CHRM5: variants seen among roughly 807,000 people sequenced by gnomAD.
CHRM5 encodes the protein muscarinic acetylcholine receptor M5.
CHRM5 carries 18 observed loss-of-function variants against 39.0 expected under a neutral mutation model. That is an observed-to-expected ratio of 0.46 (90% CI 0.32 to 0.68). CHRM5 has a LOEUF of 0.68. Among genes scored for constraint, CHRM5 ranks in the 30% least tolerant of loss-of-function variants. The probability of loss-of-function intolerance (pLI) is 0.04; values close to 1 mark genes in which losing one functional copy is unlikely to be tolerated. For synonymous variants in CHRM5, 241 were observed against 246.3 expected (o/e 0.98, Z 0.20); for missense variants, 515 against 651.1 (o/e 0.79, Z 2.28).
At chr15:34,018,958 CAG>C (rs1898085183) in intron 1 of CHRM5, among the ~76,000 whole-genome samples, 1 of 152,032 alleles carries the variant, frequency 6.6e-6, no homozygotes, top group Non-Finnish European at 1.5e-5. Flanking sequence ...CAGCTAGACA[CAG>C]AGTGCTGATT....
intron 1 of CHRM5, among the ~76,000 whole-genome samples, chr15:33,978,976 A>G (rs1896015942): frequency 6.6e-6 from 1 of 152,190 alleles, no homozygotes; most frequent in Admixed American, 6.5e-5. Context: ...AAATAAAAAA[A>G]CAGACAATAA....
chr15:34,006,632 G>A (rs1446744139), intron 1 of CHRM5, among the ~76,000 whole-genome samples: 1 of 152,150 alleles, frequency 6.6e-6, no homozygotes, highest in Non-Finnish European at 1.5e-5. Context: ...CGAATTAATG[G>A]TCCTGCCAAG....
At chr15:34,015,280 G>A (rs776189075) in intron 1 of CHRM5, among the ~76,000 whole-genome samples, 5 of 152,066 alleles carry the variant, frequency 3.3e-5, no homozygotes, top group South Asian at 4.1e-4. Flanking sequence ...TCAGGAGATC[G>A]AGACCATCTT....
intron 1 of CHRM5, among the ~76,000 whole-genome samples, chr15:33,975,665 C>T (rs1219935769): frequency 6.6e-6 from 1 of 152,162 alleles, no homozygotes; most frequent in South Asian, 2.1e-4. Flanking sequence ...GGCACGGTGG[C>T]TCACGCCTGT....
intron 1 of CHRM5, among the ~76,000 whole-genome samples, chr15:34,000,397 A>G (rs535869220): frequency 3.9e-4 from 59 of 152,322 alleles, no homozygotes; most frequent in African/African-American, 1.2e-3. Flanking sequence ...ATACCATTCA[A>G]TCAACTGGTC....
chr15:34,018,220 T>A (rs2702319), intron 1 of CHRM5: 143,215 of 152,298 alleles, frequency 0.94, 67,956 homozygotes, highest in East Asian at 1. Context: ...GACCCTAAAG[T>A]CCTTCCAGTG....
chr15:34,032,015 G>GCACACA (rs1471904549), intron 1 of CHRM5, among the ~76,000 whole-genome samples: 4 of 109,314 alleles, frequency 3.7e-5, no homozygotes, highest in Admixed American at 1.0e-4. Flanking sequence ...ACACATACGC[G>GCACACA]CGCACACGCA....
chr15:34,063,988 A>G lies in CHRM5; in HGVS notation c.1271A>G (p.His424Arg). Residue 424 changes from histidine to arginine, a missense_variant, in exon 3 of 3, where the codon CAT (histidine) becomes CGT (arginine). Transcript: ENST00000383263. The surrounding 1 kb of genome is among the most constrained non-coding windows in gnomAD (Gnocchi z 4.1). ...AAAGGCCTCAATCCCAACCCCAGCC[A>G]TCAAATGACCAAACGAAAGAGAGTG... Reference protein sequence around the residue: ...STKGLNPNPSHQMTKRKRVVL... With the variant: ...STKGLNPNPSRQMTKRKRVVL... The G allele has an allele frequency of 1.2e-6, 2 of 1,614,186 alleles. No individual in the cohort carries two copies. Among genetic ancestry groups the G allele is most frequent in the Non-Finnish European group, 1.7e-6 (2 of 1,180,016 alleles).
rs1289175932 is a variant in CHRM5 at position 34,067,279 on chromosome 15, T to C, written c.*2963T>C. 1 of 152,246 alleles carries C rather than the reference T, an allele frequency of 6.6e-6. No individual in the cohort carries two copies. The highest frequency in any genetic ancestry group is 2.4e-5 in the African/African-American group (1 of 41,466). 9.4% of individuals were successfully genotyped at this position (152,246 alleles called of 1,614,324 possible). A position where few individuals can be genotyped will look rare whatever the true frequency, so the allele number is the denominator to read the frequency against. On this transcript the variant is annotated 3_prime_UTR_variant, in exon 3 of 3. Coordinates refer to ENST00000383263, the MANE Select transcript of CHRM5 (RefSeq NM_012125.4). ...TTTTGCTTCGCTCCTTTGGTGAATGTCCTTTGAAGACAATACTGATGCCAG... is the reference window on the plus strand; with the variant it reads ...TTTTGCTTCGCTCCTTTGGTGAATGCCCTTTGAAGACAATACTGATGCCAG...
chr15:34,003,077 C>A (rs1188593275), intron 1 of CHRM5: 1 of 1,614,046 alleles, frequency 6.2e-7, no homozygotes, highest in Non-Finnish European at 8.5e-7. Context: ...CTCTGTGACT[C>A]TCCACTTTCA....
chr15:34,060,319 T>C (rs572186770), intron 2 of CHRM5, among the ~76,000 whole-genome samples: 2 of 152,264 alleles, frequency 1.3e-5, no homozygotes, highest in Admixed American at 1.3e-4. Context: ...TGAAGAAGCA[T>C]GCAAGATTGG....
At chr15:34,019,558 C>A (rs186812223) in intron 1 of CHRM5, among the ~76,000 whole-genome samples, 2 of 152,340 alleles carry the variant, frequency 1.3e-5, no homozygotes, top group Non-Finnish European at 2.9e-5. Context: ...TCACTCAGAG[C>A]AACTTTCAGT....
intron 1 of CHRM5, among the ~76,000 whole-genome samples, chr15:34,015,871 G>A (rs771041115): frequency 1.8e-4 from 28 of 152,282 alleles, no homozygotes; most frequent in Admixed American, 3.9e-4. Context: ...ATTACCATTC[G>A]TTAGCAGAAT....
intron 1 of CHRM5, among the ~76,000 whole-genome samples, chr15:34,046,282 G>A (rs1444083207): frequency 6.7e-6 from 1 of 149,894 alleles, no homozygotes; most frequent in Non-Finnish European, 1.5e-5. Context: ...ATCTTTTTGT[G>A]GAAAGATCTG....
chr15:34,040,463 AAC>A (rs1464508184), intron 1 of CHRM5, among the ~76,000 whole-genome samples: 2 of 152,206 alleles, frequency 1.3e-5, no homozygotes, highest in Non-Finnish European at 2.9e-5. Flanking sequence ...ACTCCAGAGA[AAC>A]AGTCTTAAAA....
At chr15:34,052,035 T>A (rs1404870991) in intron 2 of CHRM5, among the ~76,000 whole-genome samples, 3 of 151,894 alleles carry the variant, frequency 2.0e-5, no homozygotes, top group African/African-American at 4.8e-5. Context: ...CTGGCAGAGA[T>A]ACAACAAAAA....
At chr15:34,038,431 C>G (rs1380436712) in intron 1 of CHRM5, among the ~76,000 whole-genome samples, 1 of 152,194 alleles carries the variant, frequency 6.6e-6, no homozygotes, top group Non-Finnish European at 1.5e-5. Context: ...TAGTGGTACT[C>G]GTACAGACAG....
intron 1 of CHRM5, among the ~76,000 whole-genome samples, chr15:33,981,717 T>G (rs146492684): frequency 4.6e-5 from 7 of 152,334 alleles, no homozygotes; most frequent in Non-Finnish European, 7.4e-5. Context: ...CCTAACTTCT[T>G]TGAGCTTAAT....
At chr15:34,020,268 A>G (rs1597359499) in intron 1 of CHRM5, among the ~76,000 whole-genome samples, 1 of 152,072 alleles carries the variant, frequency 6.6e-6, no homozygotes, top group South Asian at 2.1e-4. Flanking sequence ...CTGAGATCAC[A>G]CCACTGCACT....
Sources: allele counts gnomAD v4.1 joint callset (sites outside exome capture counted in the v4.1 genomes callset), GRCh38; gene constraint gnomAD v4.1.1; non-coding constraint Gnocchi (gnomAD v3.1); transcripts MANE v1.5; gene names NCBI Gene and HGNC (gene_info 2026-07-23, HGNC 2026-07-21).